KCNS1: variants seen among roughly 807,000 people sequenced by gnomAD.
KCNS1 encodes the protein potassium voltage-gated channel modifier subfamily S member 1, also known as delayed-rectifier potassium channel regulatory subunit KCNS1.
Under a neutral mutation model 33.1 loss-of-function variants are expected in KCNS1, and 26 were observed. That is an observed-to-expected ratio of 0.79 (90% CI 0.58 to 1.09). The LOEUF is 1.09. Ranked by LOEUF, KCNS1 falls within the 50% of genes least tolerant of loss-of-function variation. The pLI is 0.00. For missense variants in KCNS1, 702 were observed against 752.4 expected, an observed-to-expected ratio of 0.93 and a Z score of 0.78; for synonymous variants, 299 against 338.8, an observed-to-expected ratio of 0.88 and a Z score of 1.29.
At chr20:45,096,760 T>C (rs1981198005) in intron 3 of KCNS1, among the ~76,000 whole-genome samples, 1 of 152,176 alleles carries the variant, frequency 6.6e-6, no homozygotes, top group Non-Finnish European at 1.5e-5. Flanking sequence ...TACCTCTGTT[T>C]AAACCTCTCA....
intron 1 of KCNS1, chr20:45,100,183 C>G (rs1475844418): frequency 5.9e-5 from 9 of 152,264 alleles, no homozygotes; most frequent in Non-Finnish European, 1.0e-4. Flanking sequence ...TGAGTGCATT[C>G]GTCGCCCTCT....
In KCNS1 at chr20:45,095,036, G is replaced by T; in HGVS notation, c.1415C>A (p.Ala472Glu). ...HFYRRQKALE[A>E]AVRNSNHQEF... The stretch of plus-strand genomic sequence containing the variant: ...TTGGTGGTTGCTGTTGCGCACGGCT[G>T]CCTCCAGAGCCTTCTGGCGCCGGTA... The change falls in exon 4 of 4, where the codon GCA (alanine) becomes GAA (glutamate). Residue 472 changes from alanine to glutamate, a missense_variant. Physicochemically the swap from Ala to Glu is moderately radical, Grantham distance 107. Around this residue, in one of 3 missense-constraint regions of KCNS1, gnomAD observed 75 missense variants for 72.7 expected, o/e 1.03. Transcript: ENST00000537075. 6.2e-7 allele frequency: 1 copy of T among 1,613,776 alleles called. No homozygotes were observed. The highest frequency in any genetic ancestry group is 8.5e-7 in the Non-Finnish European group (1 of 1,179,968).
chr20:45,098,189 C>A lies in KCNS1; in HGVS notation c.583G>T (p.Gly195Cys). Residue 195 changes from glycine (G) to cysteine (C), a missense_variant, in exon 3 of 4, where the codon GGC (glycine) becomes TGC (cysteine). Physicochemically the swap from Gly to Cys is radical, Grantham distance 159 (BLOSUM62 -3). Transcript: ENST00000537075. The surrounding 1 kb of genome is among the most constrained non-coding windows in gnomAD (Gnocchi z 5.2). ...SDVQRELARYGAARCGRLRRR... is the reference protein window; with the variant it reads ...SDVQRELARYCAARCGRLRRR... ...CGCAGGCGGCCACAGCGCGCCGCGC[C>A]ATAGCGCGCCAGTTCTCGCTGCACG... 6.2e-7 allele frequency: 1 copy of A among 1,604,322 alleles called. No homozygotes were observed. Among genetic ancestry groups the A allele is most frequent in the Non-Finnish European group, 8.5e-7 (1 of 1,176,364 alleles).
In KCNS1 at chr20:45,097,652, G is replaced by C; in HGVS notation, c.1110+10C>G. 1.3e-6 allele frequency: 2 copies of C among 1,595,296 alleles called. No individual in the cohort carries two copies. The highest frequency in any genetic ancestry group is 8.5e-7 in the Non-Finnish European group (1 of 1,175,040). ...CCACCCCAGCTCCAACCTGGCCTCA[G>C]AGGCCGTACCTTGAGCGTGGCTCCC... On this transcript the variant is annotated intron_variant, in intron 3 of 3. Transcript: ENST00000537075.
rs932021768 is a variant in KCNS1, at chr20:45,098,638, C to T, written c.134G>A (p.Trp45Ter). 2.7e-6 allele frequency: 4 copies of T among 1,474,226 alleles called. No individual in the cohort carries two copies. Among genetic ancestry groups the T allele is most frequent in the Non-Finnish European group, 9.0e-7 (1 of 1,113,918 alleles). 91.3% of individuals were successfully genotyped at this position (1,474,226 alleles called of 1,614,324 possible). ...GCGCAGCGCCTCGTCGCTTCGCCGC[C>T]AGCGGATCCCGGTGTCGGGGCCCGG... is the stretch of plus-strand genomic sequence containing the variant. ...EFPGPDTGIR[W>*]RRSDEALRVN... is the part of the protein sequence containing the mutation. The change falls in exon 3 of 4, where the codon TGG (tryptophan) becomes TAG (stop). Residue 45 changes from tryptophan (W) to a stop codon, truncating the protein, a stop_gained. Transcript: ENST00000537075. LOFTEE classifies it high-confidence loss of function. The surrounding 1 kb of genome is among the most constrained non-coding windows in gnomAD (Gnocchi z 5.2).
chr20:45,099,203 C>T lies in KCNS1; in HGVS notation c.34G>A (p.Glu12Lys). 2 of 1,549,422 alleles carry T rather than the reference C, an allele frequency of 1.3e-6. No individual in the cohort carries two copies. The highest frequency in any genetic ancestry group is 1.2e-5 in the South Asian group (1 of 84,018). Reference protein sequence around the residue: ...LMLLVRGTHYENLRSKVVLPT... With the variant: ...LMLLVRGTHYKNLRSKVVLPT... ...AGCACCACTTTAGACCGGAGGTTCT[C>T]ATAGTGTGTTCCCCGGACCAGCAGC... Residue 12 changes from glutamate (E) to lysine (K), a missense_variant, in exon 2 of 4, where the codon GAG becomes AAG. Transcript: ENST00000537075.
At chr20:45,099,056 C>A in intron 2 of KCNS1, 105 bp downstream of exon 2, 1 of 1,326,288 alleles carries the variant, frequency 7.5e-7, no homozygotes. Flanking sequence ...TCTCCTTTTC[C>A]AGGACAAACT....
rs1981151605 is a variant in KCNS1, at chr20:45,095,357, A to G, written c.1111-17T>C. 6.2e-7 allele frequency: 1 copy of G among 1,603,092 alleles called. No homozygotes were observed. Among genetic ancestry groups the G allele is most frequent in the Non-Finnish European group, 8.5e-7 (1 of 1,173,932 alleles). Reference sequence around the variant, plus strand: ...GTAGCTGTGCTGAAAGAGAATGTAGAAAGCCAAGTCAGAGTGGATGGGCTT... The same window carrying G: ...GTAGCTGTGCTGAAAGAGAATGTAGGAAGCCAAGTCAGAGTGGATGGGCTT... On this transcript the variant is annotated splice_polypyrimidine_tract_variant and intron_variant, in intron 3 of 3. Coordinates refer to ENST00000537075, the MANE Select transcript of KCNS1 (RefSeq NM_001322799.2).
rs1162804350 is a variant in KCNS1 at position 45,095,104 on chromosome 20, T to C, written c.1347A>G (p.Val449=). The change falls in exon 4 of 4, where the codon GTA becomes GTG. Residue 449 remains valine (V), a synonymous_variant. Transcript: ENST00000537075. ...SGCILGGILV[V]ALPITIIFNK... ...TGAAGATGATGGTGATGGGGAGTGC[T>C]ACCACCAGGATGCCCCCTAGGATGC... 1.9e-6 allele frequency: 3 copies of C among 1,613,976 alleles called. No individual in the cohort carries two copies. The highest frequency in any genetic ancestry group is 1.7e-6 in the Non-Finnish European group (2 of 1,179,952).
Position 45,092,525 on chromosome 20 carries a change from G to A in KCNS1, c.*2345C>T, listed in dbSNP as rs1981029600. On this transcript the variant is annotated 3_prime_UTR_variant, in exon 4 of 4. Coordinates refer to ENST00000537075, the MANE Select transcript of KCNS1 (RefSeq NM_001322799.2). ...CTTGGTGTGTTCTGCAAGACCATAA[G>A]GGTGCTACACGCAGCCCTTCTGATC... The A allele has an allele frequency of 6.6e-6, 1 of 152,176 alleles. No homozygotes were observed. The allele number at this position is 152,176 out of a possible 1,614,324, so 9.4% of individuals were successfully genotyped here.
chr20:45,097,755 C>G lies in KCNS1; in HGVS notation c.1017G>C (p.Lys339Asn). ...QGGKEFGHLGKVVQVFRLMRI... is the reference protein window; with the variant it reads ...QGGKEFGHLGNVVQVFRLMRI... ...GCATGAGGCGGAACACCTGCACCACCTTGCCCAGGTGGCCGAACTCCTTGC... is the reference window on the plus strand; with the variant it reads ...GCATGAGGCGGAACACCTGCACCACGTTGCCCAGGTGGCCGAACTCCTTGC... Residue 339 changes from lysine to asparagine, a missense_variant, in exon 3 of 4, where the codon AAG becomes AAC. Physicochemically the swap from Lys to Asn is moderately conservative, Grantham distance 94. Around this residue, in one of 3 missense-constraint regions of KCNS1, gnomAD observed 253 missense variants for 327.4 expected, o/e 0.77. Coordinates refer to ENST00000537075, the MANE Select transcript of KCNS1 (RefSeq NM_001322799.2). 1 of 1,613,216 alleles carries G rather than the reference C, an allele frequency of 6.2e-7. No homozygotes were observed. Among genetic ancestry groups the G allele is most frequent in the Non-Finnish European group, 8.5e-7 (1 of 1,179,960 alleles).
At position 45,098,717 on chromosome 20, in the gene KCNS1, G is replaced by T. The variant is rs376610403; in HGVS notation, c.77-22C>A. On this transcript the variant is annotated intron_variant, in intron 2 of 3. Transcript: ENST00000537075. The surrounding 1 kb of genome is among the most constrained non-coding windows in gnomAD (Gnocchi z 5.2). ...CTCCCTGCGGACACCAGAAGGGCGC[G>T]CTGAGGAGTTCCCGGGCTTCCCTTC... 2 of 1,371,098 alleles carry T rather than the reference G, an allele frequency of 1.5e-6. No homozygotes were observed. Among genetic ancestry groups the T allele is most frequent in the Non-Finnish European group, 1.9e-6 (2 of 1,062,380 alleles). The allele number at this position is 1,371,098 out of a possible 1,614,324, so 84.9% of individuals were successfully genotyped here. A position where few individuals can be genotyped will look rare whatever the true frequency, so the allele number is the denominator to read the frequency against.
chr20:45,096,789 C>A (rs978646179), intron 3 of KCNS1, among the ~76,000 whole-genome samples: 1 of 152,222 alleles, frequency 6.6e-6, no homozygotes, highest in African/African-American at 2.4e-5. Context: ...CCTATACCCT[C>A]GGGACCAAGT....
rs749076353 is a variant in KCNS1, at chr20:45,098,415, G to A, written c.357C>T (p.Arg119=). 10 of 1,596,960 alleles carry A rather than the reference G, an allele frequency of 6.3e-6. No individual in the cohort carries two copies. Among genetic ancestry groups the A allele is most frequent in the Non-Finnish European group, 7.7e-6 (9 of 1,172,290 alleles). Residue 119 remains arginine (R), a synonymous_variant, in exon 3 of 4, where the codon CGC becomes CGT. Transcript: ENST00000537075. The surrounding 1 kb of genome is among the most constrained non-coding windows in gnomAD (Gnocchi z 5.2). ...GFFLSLLHFY[R]TGHLHVLDEL... is the part of the protein sequence containing the mutation. ...CGTCGAGCACGTGCAGGTGGCCAGTGCGGTAGAAGTGCAGCAGGCTCAGGA... is the reference window on the plus strand; with the variant it reads ...CGTCGAGCACGTGCAGGTGGCCAGTACGGTAGAAGTGCAGCAGGCTCAGGA...
rs370688992 is a variant in KCNS1 at position 45,098,789 on chromosome 20, G to C, written c.77-94C>G. The C allele has an allele frequency of 1.2e-4, 133 of 1,152,350 alleles. No homozygotes were observed. The highest frequency in any genetic ancestry group is 1.4e-4 in the Non-Finnish European group (125 of 891,846). 71.4% of individuals were successfully genotyped at this position (1,152,350 alleles called of 1,614,324 possible). A position where few individuals can be genotyped will look rare whatever the true frequency, so the allele number is the denominator to read the frequency against. On this transcript the variant is annotated intron_variant, in intron 2 of 3. Transcript: ENST00000537075. The surrounding 1 kb of genome is among the most constrained non-coding windows in gnomAD (Gnocchi z 5.2). ...CCCTCCTCCATCCAACCAGCCAAGG[G>C]GTGTTGGAGGCTGTGTGTGAAGCAT...
At chr20:45,099,316 G>T in intron 1 of KCNS1, 77 bp from the exon 2 acceptor site, 1 of 783,544 alleles carries the variant, frequency 1.3e-6, no homozygotes. Flanking sequence ...GTGGGGTCTA[G>T]CACTTTGTGT....
chr20:45,098,558 G>A lies in KCNS1; in HGVS notation c.214C>T (p.Pro72Ser). Reference sequence around the variant, plus strand: ...TGCAGGCGGCCCAGCCGCGTGCCCGGGAAGCGCGCCAGGGCGCGCGCGCTC... The same window carrying A: ...TGCAGGCGGCCCAGCCGCGTGCCCGAGAAGCGCGCCAGGGCGCGCGCGCTC... Reference protein sequence around the residue: ...QLSARALARFPGTRLGRLQAA... With the variant: ...QLSARALARFSGTRLGRLQAA... Residue 72 changes from proline (P) to serine (S), a missense_variant, in exon 3 of 4, where the codon CCG (proline) becomes TCG (serine). Transcript: ENST00000537075. This position sits in a 1 kb window ranked among gnomAD's most constrained non-coding sequence, Gnocchi z 5.2. The A allele has an allele frequency of 7.1e-7, 1 of 1,404,784 alleles. No individual in the cohort carries two copies. Among genetic ancestry groups the A allele is most frequent in the Non-Finnish European group, 9.3e-7 (1 of 1,077,840 alleles). The allele number at this position is 1,404,784 out of a possible 1,614,324, so 87.0% of individuals were successfully genotyped here. A position where few individuals can be genotyped will look rare whatever the true frequency, so the allele number is the denominator to read the frequency against.
At chr20:45,099,266 C>T in intron 1 of KCNS1, 27 bp from the exon 2 acceptor site, 3 of 1,189,798 alleles carry the variant, frequency 2.5e-6, no homozygotes, top group Non-Finnish European at 3.7e-6. Flanking sequence ...GATGCAAATT[C>T]TCAGCCTGCC....
Position 45,094,961 on chromosome 20 carries a change from A to T in KCNS1, c.1490T>A (p.Leu497Gln), listed in dbSNP as rs918530458. ...SSIDGVSEAS[L>Q]ETSRETSQEG... Reference sequence around the variant, plus strand: ...CTGAGAGGTTTCTCGGGATGTCTCCAGAGATGCCTCCGACACCCCATCAAT... The same window carrying T: ...CTGAGAGGTTTCTCGGGATGTCTCCTGAGATGCCTCCGACACCCCATCAAT... Residue 497 changes from leucine to glutamine, a missense_variant, in exon 4 of 4, where the codon CTG becomes CAG. Physicochemically the swap from Leu to Gln is moderately radical, Grantham distance 113 (BLOSUM62 -2). This residue lies in a region of KCNS1 where 75 missense variants were observed against 72.7 expected (regional missense o/e 1.03). Coordinates refer to ENST00000537075, the MANE Select transcript of KCNS1 (RefSeq NM_001322799.2). The T allele has an allele frequency of 1.2e-6, 2 of 1,613,678 alleles. No homozygotes were observed. Among genetic ancestry groups the T allele is most frequent in the African/African-American group, 2.7e-5 (2 of 74,804 alleles).
Sources: gnomAD v4.1 joint callset for allele counts (sites outside exome capture counted in the v4.1 genomes callset) on GRCh38, gnomAD v4.1.1 for gene constraint, gnomAD v4.1.1 regional missense constraint, Gnocchi (gnomAD v3.1) non-coding constraint, MANE v1.5 for transcripts, NCBI Gene and HGNC (gene_info 2026-07-23, HGNC 2026-07-21) for gene names.